CSE1L: variants seen among roughly 807,000 people sequenced by gnomAD.
CSE1L encodes chromosome segregation 1 like.
In CSE1L, 24 loss-of-function variants were observed where a neutral mutation model predicts 120.4. The ratio of observed to expected loss-of-function variants is 0.20; its 90% CI spans 0.14 to 0.28. CSE1L has a LOEUF of 0.28. Among genes scored for constraint, CSE1L ranks in the 10% least tolerant of loss-of-function variants. The pLI is 1.00. For missense variants in CSE1L, 830 were observed against 1,145.2 expected (o/e 0.72, Z 3.97); for synonymous variants, 402 against 398.3 (o/e 1.01, Z -0.11).
At chr20:49,061,217 G>C (rs1300781331) in intron 2 of CSE1L, among the ~76,000 whole-genome samples, 4 of 139,316 alleles carry the variant, frequency 2.9e-5, no homozygotes, top group Non-Finnish European at 4.5e-5. Context: ...CTGTCGCCCA[G>C]GCTAGAGTGC....
intron 1 of CSE1L, among the ~76,000 whole-genome samples, 199 bp downstream of exon 1, chr20:49,046,622 C>T (rs945271919): frequency 1.3e-5 from 2 of 152,238 alleles, no homozygotes; most frequent in African/African-American, 4.8e-5. Context: ...CCGCGCCTCG[C>T]GGCATCCTAG....
Position 49,059,684 on chromosome 20 carries a change from C to T in CSE1L, c.85+1136C>T, listed in dbSNP as rs913941432. Among the ~76,000 whole-genome samples the T allele has an allele frequency of 1.3e-5, 2 of 151,978 alleles. 1 individual carries two copies. The highest frequency in any genetic ancestry group is 1.3e-4 in the Admixed American group (2 of 15,246). Reference sequence around the variant, plus strand: ...CACGAGGGCAGGAGATCGAGACCATCGTGGCTAATATGGTGAAACCCCTTC... The same window carrying T: ...CACGAGGGCAGGAGATCGAGACCATTGTGGCTAATATGGTGAAACCCCTTC... On this transcript the variant is annotated intron_variant, in intron 2 of 24. Transcript: ENST00000262982.
At chr20:49,053,943 C>T (rs945517954) in intron 1 of CSE1L, among the ~76,000 whole-genome samples, 4 of 152,176 alleles carry the variant, frequency 2.6e-5, no homozygotes, top group Admixed American at 2.6e-4. Context: ...TCTGCCTCAG[C>T]CTCCCACCAG....
At chr20:49,092,177 T>C in intron 22 of CSE1L, 50 bp downstream of exon 22, 1 of 1,033,510 alleles carries the variant, frequency 9.7e-7, no homozygotes, top group South Asian at 1.4e-5. Context: ...TTTGACTTTT[T>C]TTTTAGTACA....
In CSE1L at chr20:49,089,576, C is replaced by A; in HGVS notation, c.2011C>A (p.Leu671Met). ...PYVFQVMSLL[L>M]ETHKNDIPSS... ...CGTCTTTCAAGTGATGTCTTTGCTT[C>A]TGGAAACACACAAAAATGACATCCC... The change falls in exon 19 of 25, where the codon CTG (leucine) becomes ATG (methionine). Residue 671 changes from leucine (L) to methionine (M), a missense_variant. Coordinates refer to ENST00000262982, the MANE Select transcript of CSE1L (RefSeq NM_001316.4). The A allele has an allele frequency of 6.2e-7, 1 of 1,614,166 alleles. No individual in the cohort carries two copies. The highest frequency in any genetic ancestry group is 8.5e-7 in the Non-Finnish European group (1 of 1,180,030).
intron 14 of CSE1L, among the ~76,000 whole-genome samples, chr20:49,079,542 T>A (rs1421500496): frequency 1.3e-5 from 2 of 151,988 alleles, no homozygotes; most frequent in African/African-American, 4.8e-5. Flanking sequence ...CCCTTTCTTA[T>A]GCTTGTTGTT....
chr20:49,091,925 G>T, intron 21 of CSE1L, 121 bp from the exon 22 acceptor site: 1 of 638,778 alleles, frequency 1.6e-6, no homozygotes. Context: ...CTAGAAGGCA[G>T]GTATTGATGC....
chr20:49,085,343 T>A lies in CSE1L; in HGVS notation c.1680T>A (p.Ala560=), dbSNP rs770771976. The A allele has an allele frequency of 6.2e-7, 1 of 1,613,960 alleles. No homozygotes were observed. The highest frequency in any genetic ancestry group is 1.1e-5 in the South Asian group (1 of 91,074). ...TTCTGCTAACAAACCTTTTCAAAGC[T>A]CTCACACTTCCTGGCTCTTCAGAAA... The part of the protein sequence containing the change: ...VEILLTNLFK[A]LTLPGSSENE... Residue 560 remains alanine, a synonymous_variant, in exon 16 of 25, where the codon GCT becomes GCA. Coordinates refer to ENST00000262982, the MANE Select transcript of CSE1L (RefSeq NM_001316.4).
intron 2 of CSE1L, among the ~76,000 whole-genome samples, chr20:49,059,963 TC>T (rs1156953572): frequency 6.6e-6 from 1 of 151,738 alleles, no homozygotes; most frequent in Non-Finnish European, 1.5e-5. Flanking sequence ...GGCAGGAAGA[TC>T]CCTTGAGTCC....
Position 49,047,564 on chromosome 20 carries a change from C to T in CSE1L, c.-12+1141C>T, listed in dbSNP as rs13036950. 2.2e-3 allele frequency among the ~76,000 whole-genome samples: 156 copies of T among 69,820 alleles called. 1 individual carries two copies. Among genetic ancestry groups the T allele is most frequent in the African/African-American group, 6.8e-3 (88 of 12,974 alleles). 45.8% of individuals were successfully genotyped at this position (69,820 alleles called of 152,430 possible). A position where few individuals can be genotyped will look rare whatever the true frequency, so the allele number is the denominator to read the frequency against. On this transcript the variant is annotated intron_variant, in intron 1 of 24. Transcript: ENST00000262982. ...TCTTTTTCTTTTTCTTTTCTCTTTT[C>T]TTTTTTTTTTTTTTTTTTTTTTTTT...
At chr20:49,047,064 G>A (rs560533927) in intron 1 of CSE1L, among the ~76,000 whole-genome samples, 1 of 152,224 alleles carries the variant, frequency 6.6e-6, no homozygotes. Context: ...GAAATCCCCT[G>A]TAACGCGGGT....
At position 49,089,306 on chromosome 20, in the gene CSE1L, A is replaced by T; in HGVS notation, c.1881A>T (p.Arg627Ser). ...YMFEAICLSIRITCKANPAAV... is the reference protein window; with the variant it reads ...YMFEAICLSISITCKANPAAV... ...TTGAAGCAATATGTTTATCCATAAG[A>T]ATAACTTGCAAAGCTAACCCTGCTG... Residue 627 changes from arginine (R) to serine (S), a missense_variant, in exon 18 of 25, where the codon AGA (arginine) becomes AGT (serine). Around this residue, in one of 4 missense-constraint regions of CSE1L, gnomAD observed 168 missense variants for 267.9 expected, o/e 0.63. Transcript: ENST00000262982. 6.2e-7 allele frequency: 1 copy of T among 1,612,918 alleles called. No individual in the cohort carries two copies. The highest frequency in any genetic ancestry group is 1.7e-5 in the Admixed American group (1 of 59,852).
At chr20:49,051,754 A>G (rs1483201735) in intron 1 of CSE1L, among the ~76,000 whole-genome samples, 2 of 152,184 alleles carry the variant, frequency 1.3e-5, no homozygotes, top group African/African-American at 2.4e-5. Context: ...TTGGAATGCA[A>G]TGGCATGATC....
intron 10 of CSE1L, among the ~76,000 whole-genome samples, chr20:49,073,803 CA>C (rs1214251351): frequency 6.6e-6 from 1 of 151,990 alleles, no homozygotes; most frequent in Non-Finnish European, 1.5e-5. Flanking sequence ...TGTTTTATAT[CA>C]AAATAGTTAT....
intron 8 of CSE1L, 63 bp from the exon 9 acceptor site, chr20:49,072,223 A>G: frequency 6.5e-7 from 1 of 1,539,408 alleles, no homozygotes; most frequent in Non-Finnish European, 8.8e-7. Context: ...AATTTCAGTT[A>G]CTCCTCTTAC....
chr20:49,051,642 C>T (rs1342415987), intron 1 of CSE1L, among the ~76,000 whole-genome samples: 1 of 152,224 alleles, frequency 6.6e-6, no homozygotes, highest in African/African-American at 2.4e-5. Flanking sequence ...ATGGTAAGTA[C>T]AGAACCCTGA....
chr20:49,070,903 C>T (rs2091926922), intron 8 of CSE1L, among the ~76,000 whole-genome samples: 1 of 152,234 alleles, frequency 6.6e-6, no homozygotes, highest in East Asian at 1.9e-4. Flanking sequence ...GACCATGCCA[C>T]TGCACTCCAG....
intron 8 of CSE1L, 45 bp from the exon 9 acceptor site, chr20:49,072,241 A>G (rs1437461645): frequency 6.3e-7 from 1 of 1,586,916 alleles, no homozygotes; most frequent in Non-Finnish European, 8.6e-7. Context: ...TACTTATGTT[A>G]GCATTAGAGT....
intron 24 of CSE1L, 187 bp downstream of exon 24, chr20:49,095,150 AATAT>A: frequency 1.5e-6 from 1 of 684,204 alleles, no homozygotes; most frequent in East Asian, 2.7e-5. Flanking sequence ...ATGTACTACA[AATAT>A]ATTTTAAGTG....
Sources: allele counts gnomAD v4.1 joint callset (sites outside exome capture counted in the v4.1 genomes callset), GRCh38; gene constraint gnomAD v4.1.1; regional missense constraint gnomAD v4.1.1; transcripts MANE v1.5; gene names NCBI Gene and HGNC (gene_info 2026-07-23, HGNC 2026-07-21).